The following AGAP1 variants were observed in gnomAD, a reference collection of about 807,000 sequenced individuals.
AGAP1 encodes arf-GAP with GTPase, ANK repeat and PH domain-containing protein 1.
In AGAP1, 29 loss-of-function variants were observed where a neutral mutation model predicts 105.3. The ratio of observed to expected loss-of-function variants is 0.28; its 90% CI spans 0.21 to 0.38. The LOEUF (loss-of-function observed/expected upper bound fraction) is 0.38, where lower values mean the gene tolerates loss of function less well. Ranked by LOEUF, AGAP1 falls within the 10% of genes least tolerant of loss-of-function variation. AGAP1 has a pLI of 1.00. For synonymous variants in AGAP1, 509 were observed against 485.9 expected, an observed-to-expected ratio of 1.05 and a Z score of -0.63; for missense variants, 998 against 1,165.1, an observed-to-expected ratio of 0.86 and a Z score of 2.09.
intron 6 of AGAP1, chr2:235,776,875 C>T (rs1010272503): frequency 3.6e-5 from 17 of 469,750 alleles, no homozygotes; most frequent in Non-Finnish European, 7.5e-5. Context: ...GCTCTCCTAG[C>T]CCTTTCTTGG....
rs1488235403 is a variant in AGAP1 at position 235,970,990 on chromosome 2, A to G, written c.1645+2367A>G. On this transcript the variant is annotated intron_variant, in intron 13 of 17. Transcript: ENST00000304032. This position sits in a 1 kb window ranked among gnomAD's most constrained non-coding sequence, Gnocchi z 5.4. Reference sequence around the variant, plus strand: ...CACCAGCAGAAAGATTTCAGGCACCATGGAAACTCCAATATTAGGAAATCA... The same window carrying G: ...CACCAGCAGAAAGATTTCAGGCACCGTGGAAACTCCAATATTAGGAAATCA... Among the ~76,000 whole-genome samples the G allele has an allele frequency of 2.0e-5, 3 of 152,336 alleles. No individual in the cohort carries two copies. Among genetic ancestry groups the G allele is most frequent in the African/African-American group, 4.8e-5 (2 of 41,580 alleles).
chr2:236,006,946 C>G (rs10203852), intron 13 of AGAP1, among the ~76,000 whole-genome samples: 1,619 of 152,212 alleles, frequency 0.011, 42 homozygotes, highest in African/African-American at 0.037. Flanking sequence ...GTTGTGTTAG[C>G]CCTGCAGTGC....
chr2:235,587,412 T>A (rs528616060), intron 1 of AGAP1, among the ~76,000 whole-genome samples: 5 of 152,166 alleles, frequency 3.3e-5, no homozygotes, highest in Non-Finnish European at 7.3e-5. Context: ...ATGCTCACCA[T>A]GTGCTGGGTG....
intron 1 of AGAP1, among the ~76,000 whole-genome samples, chr2:235,532,491 C>T (rs1284333948): frequency 6.6e-6 from 1 of 152,192 alleles, no homozygotes; most frequent in Admixed American, 6.5e-5. Flanking sequence ...CAGGTGTGAG[C>T]CACTGCACCT....
In AGAP1 at chr2:235,660,208, A is replaced by G. The variant is rs1325008928; in HGVS notation, c.164-48971A>G. On this transcript the variant is annotated intron_variant, in intron 1 of 17. Coordinates refer to ENST00000304032, the MANE Select transcript of AGAP1 (RefSeq NM_001037131.3). The surrounding 1 kb of genome is among the most constrained non-coding windows in gnomAD (Gnocchi z 5.3). ...GAGGATTTTTGTGGCTAGGGGAAGA[A>G]GTGAATCACCCTCTTCTCTGTGTCT... Among the ~76,000 whole-genome samples the G allele has an allele frequency of 1.3e-5, 2 of 152,162 alleles. No individual in the cohort carries two copies. Among genetic ancestry groups the G allele is most frequent in the Admixed American group, 1.3e-4 (2 of 15,268 alleles).
At chr2:236,097,380 C>CTTTT (rs58882083) in intron 16 of AGAP1, among the ~76,000 whole-genome samples, 1,392 of 48,690 alleles carry the variant, frequency 0.029, 310 homozygotes, top group African/African-American at 0.041. Context: ...TCATCCTAAT[C>CTTTT]TTTTTTTTTT....
In AGAP1 at chr2:235,875,186, A is replaced by G. The variant is rs569873117; in HGVS notation, c.1051-8159A>G. 3.3e-5 allele frequency among the ~76,000 whole-genome samples: 5 copies of G among 152,308 alleles called. No homozygotes were observed. In the East Asian group the frequency reaches 9.6e-4, roughly 29 times the overall value. On this transcript the variant is annotated intron_variant, in intron 9 of 17. Transcript: ENST00000304032. The surrounding 1 kb of genome is among the most constrained non-coding windows in gnomAD (Gnocchi z 4.0). Reference sequence around the variant, plus strand: ...GGTCACTTTTCAACCTTACTGGTCCATGGCCCTGTCCTGTTTCTGTATCTG... The same window carrying G: ...GGTCACTTTTCAACCTTACTGGTCCGTGGCCCTGTCCTGTTTCTGTATCTG...
rs556778498 is a variant in AGAP1 at position 236,072,164 on chromosome 2, G to A, written c.2114+22883G>A. The A allele has an allele frequency of 1.9e-3, 271 of 145,246 alleles. 1 individual carries two copies. Among genetic ancestry groups the A allele is most frequent in the African/African-American group, 6.8e-3 (261 of 38,630 alleles). The allele number at this position is 145,246 out of a possible 1,614,324, so 9.0% of individuals were successfully genotyped here. A position where few individuals can be genotyped will look rare whatever the true frequency, so the allele number is the denominator to read the frequency against. The stretch of plus-strand genomic sequence containing the variant: ...TTTTTTTTTTAGAGATAAGGTCACC[G>A]GGCACAGTGGCTCACGCCTATAATC... On this transcript the variant is annotated intron_variant, in intron 16 of 17. Coordinates refer to ENST00000304032, the MANE Select transcript of AGAP1 (RefSeq NM_001037131.3).
chr2:235,784,598 C>CAA (rs71400786), intron 6 of AGAP1, among the ~76,000 whole-genome samples: 2,031 of 124,324 alleles, frequency 0.016, 29 homozygotes, highest in Non-Finnish European at 0.02. Flanking sequence ...CTTATTAAAG[C>CAA]AAAAAAAAAA....
In AGAP1 at chr2:235,916,427, G is replaced by A. The variant is rs13413458; in HGVS notation, c.1324+7521G>A. ...AGGTATTTTCTGACATGAATGTTTG[G>A]CCAGCCTAGTTTGGTGAAGCTGTAT... On this transcript the variant is annotated intron_variant, in intron 11 of 17. Transcript: ENST00000304032. 4.3e-3 allele frequency among the ~76,000 whole-genome samples: 657 copies of A among 152,312 alleles called. 9 individuals are homozygous for A. The highest frequency in any genetic ancestry group is 0.015 in the African/African-American group (615 of 41,570).
intron 1 of AGAP1, among the ~76,000 whole-genome samples, chr2:235,543,320 C>T (rs1171533968): frequency 2.0e-5 from 3 of 152,140 alleles, no homozygotes; most frequent in African/African-American, 7.2e-5. Flanking sequence ...GGAAGGTACC[C>T]GTTGTTCAGG....
chr2:235,880,848 C>T (rs2049985699), intron 9 of AGAP1, among the ~76,000 whole-genome samples: 1 of 152,148 alleles, frequency 6.6e-6, no homozygotes, highest in Non-Finnish European at 1.5e-5. Flanking sequence ...GAAGCAATTG[C>T]TTGTTTATTA....
intron 12 of AGAP1, among the ~76,000 whole-genome samples, chr2:235,954,785 C>T (rs1463050080): frequency 2.6e-5 from 4 of 151,916 alleles, no homozygotes; most frequent in Admixed American, 6.6e-5. Flanking sequence ...TAACTCTCTC[C>T]GTTTGCTGGA....
Position 235,883,378 on chromosome 2 carries a change from A to G in AGAP1, c.1084A>G (p.Asn362Asp), listed in dbSNP as rs1158608405. 1 of 1,613,918 alleles carries G rather than the reference A, an allele frequency of 6.2e-7. No individual in the cohort carries two copies. ...MLLKRSGKSL[N>D]KEWKKKYVTL... is the part of the protein sequence containing the mutation. ...GTTGAAGCGAAGTGGCAAATCGTTG[A>G]ATAAAGAGTGGAAAAAGAAATATGT... The change falls in exon 10 of 18, where the codon AAT (asparagine) becomes GAT (aspartate). Residue 362 changes from asparagine to aspartate, a missense_variant. By Grantham distance (23) the Asn-to-Asp change is conservative. Coordinates refer to ENST00000304032, the MANE Select transcript of AGAP1 (RefSeq NM_001037131.3). The surrounding 1 kb of genome is among the most constrained non-coding windows in gnomAD (Gnocchi z 4.5).
At chr2:236,093,322 T>C (rs2059112591) in intron 16 of AGAP1, among the ~76,000 whole-genome samples, 1 of 152,044 alleles carries the variant, frequency 6.6e-6, no homozygotes, top group African/African-American at 2.4e-5. Context: ...CACTTGGTCA[T>C]TGTAAAGGGG....
At position 236,029,193 on chromosome 2, in the gene AGAP1, T is replaced by G. The variant is rs201881796; in HGVS notation, c.1646-7368T>G. On this transcript the variant is annotated intron_variant, in intron 13 of 17. Coordinates refer to ENST00000304032, the MANE Select transcript of AGAP1 (RefSeq NM_001037131.3). ...TATTGTTTTTATTTAGTTTTTTTTT[T>G]TTGTTTACATATTTATCAGTTCATT... Among the ~76,000 whole-genome samples the G allele has an allele frequency of 1.3e-3, 192 of 151,722 alleles. 1 individual carries two copies. Among genetic ancestry groups the G allele is most frequent in the East Asian group, 5.6e-3 (29 of 5,186 alleles).
chr2:236,119,924 G>T lies in AGAP1; in HGVS notation c.2115-268G>T, dbSNP rs887065812. On this transcript the variant is annotated intron_variant, in intron 16 of 17. Transcript: ENST00000304032. The surrounding 1 kb of genome is among the most constrained non-coding windows in gnomAD (Gnocchi z 6.6). ...TTGGGCCTATTGGAATCCCCTGCAG[G>T]GCTTCTTAAAACACCCCGAGAGGTT... Among the ~76,000 whole-genome samples, 1 of 152,284 alleles carries T rather than the reference G, an allele frequency of 6.6e-6. No individual in the cohort carries two copies. The highest frequency in any genetic ancestry group is 2.4e-5 in the African/African-American group (1 of 41,562).
chr2:235,598,543 T>C (rs1274272932), intron 1 of AGAP1, among the ~76,000 whole-genome samples: 2 of 152,262 alleles, frequency 1.3e-5, no homozygotes, highest in Non-Finnish European at 2.9e-5. Context: ...CTATTGGTGA[T>C]GTGAAGTGAG....
At chr2:235,767,373 C>T (rs1357876976) in intron 6 of AGAP1, among the ~76,000 whole-genome samples, 2 of 152,352 alleles carry the variant, frequency 1.3e-5, no homozygotes, top group Non-Finnish European at 1.5e-5. Flanking sequence ...GCAGGCTTCT[C>T]GTGCGCACCA....
Sources: allele counts gnomAD v4.1 joint callset (sites outside exome capture counted in the v4.1 genomes callset), GRCh38; gene constraint gnomAD v4.1.1; non-coding constraint Gnocchi (gnomAD v3.1); transcripts MANE v1.5; gene names NCBI Gene and HGNC (gene_info 2026-07-23, HGNC 2026-07-21).